The following FRMD3 variants were observed in gnomAD, a reference collection of about 807,000 sequenced individuals.
FRMD3 encodes the protein FERM domain containing 3.
A neutral mutation model predicts 70.2 loss-of-function variants in FRMD3; 33 were observed. The ratio of observed to expected loss-of-function variants is 0.47; its 90% confidence interval spans 0.36 to 0.63. The LOEUF (loss-of-function observed/expected upper bound fraction) is 0.63. Among genes scored for constraint, FRMD3 ranks in the 20% least tolerant of loss-of-function variants. The pLI, the probability that FRMD3 is intolerant of heterozygous loss-of-function variation, is 0.00. For synonymous variants in FRMD3, 279 were observed against 255.9 expected (o/e 1.09, Z -0.86); for missense variants, 632 against 711.4 (o/e 0.89, Z 1.27).
At chr9:83,428,943 A>G (rs1031823619) in intron 1 of FRMD3, among the ~76,000 whole-genome samples, 2 of 151,564 alleles carry the variant, frequency 1.3e-5, no homozygotes, top group Non-Finnish European at 2.9e-5. Context: ...TCTACTCTTC[A>G]TTGAAGCTAA....
intron 12 of FRMD3, among the ~76,000 whole-genome samples, chr9:83,296,062 TA>T (rs1834650004): frequency 6.6e-6 from 1 of 152,216 alleles, no homozygotes; most frequent in South Asian, 2.1e-4. Context: ...ATTCACTAAT[TA>T]AAGTATTATC....
At chr9:83,568,955 G>GATAGATAGATACATAC in the FRMD3 span, among the ~76,000 whole-genome samples, 179 of 130,836 alleles carry the variant, frequency 1.4e-3, 1 homozygote, top group Middle Eastern at 4.2e-3. Flanking sequence ...TAGATAGATA[G>GATAGATAGATACATAC]ATACATACAT....
intron 1 of FRMD3, among the ~76,000 whole-genome samples, chr9:83,530,621 G>C (rs550291206): frequency 6.6e-6 from 1 of 152,114 alleles, no homozygotes; most frequent in Non-Finnish European, 1.5e-5. Flanking sequence ...TTAAGTGGGC[G>C]TACTACAAGG....
chr9:83,523,999 T>C (rs918000122), intron 1 of FRMD3, among the ~76,000 whole-genome samples: 10 of 152,246 alleles, frequency 6.6e-5, no homozygotes, highest in African/African-American at 2.2e-4. Context: ...TTTCCATCCC[T>C]ACTCCACAGA....
chr9:83,355,255 T>G (rs995668873), intron 3 of FRMD3, among the ~76,000 whole-genome samples: 2 of 152,186 alleles, frequency 1.3e-5, no homozygotes, highest in African/African-American at 4.8e-5. Context: ...TGCCAAACAT[T>G]TGGTGCAGAA....
At chr9:83,411,879 T>C (rs1410588375) in intron 1 of FRMD3, among the ~76,000 whole-genome samples, 2 of 152,230 alleles carry the variant, frequency 1.3e-5, no homozygotes, top group African/African-American at 4.8e-5. Context: ...TTATTCATGA[T>C]TCTTCGAAAT....
chr9:83,503,692 T>C (rs61190275), intron 1 of FRMD3, among the ~76,000 whole-genome samples: 18,066 of 152,098 alleles, frequency 0.12, 1,464 homozygotes, highest in African/African-American at 0.23. Context: ...CAGCAATAGA[T>C]AACCAAGGCA....
At chr9:83,450,347 G>GT (rs763340189) in intron 1 of FRMD3, among the ~76,000 whole-genome samples, 1,770 of 111,240 alleles carry the variant, frequency 0.016, 41 homozygotes, top group African/African-American at 0.05. Context: ...GTCACCCTCA[G>GT]TTTTTTTTTT....
intron 1 of FRMD3, among the ~76,000 whole-genome samples, chr9:83,455,012 G>A (rs1827778014): frequency 6.6e-6 from 1 of 152,032 alleles, no homozygotes; most frequent in African/African-American, 2.4e-5. Flanking sequence ...GAAGCCTAAA[G>A]AAAGAAATAC....
intron 1 of FRMD3, among the ~76,000 whole-genome samples, chr9:83,470,577 A>G (rs1450986059): frequency 6.6e-6 from 1 of 152,212 alleles, no homozygotes; most frequent in Non-Finnish European, 1.5e-5. Context: ...AGCCTCAAAA[A>G]TCCCCTTGCC....
intron 1 of FRMD3, among the ~76,000 whole-genome samples, chr9:83,519,364 T>G (rs1829521523): frequency 6.6e-6 from 1 of 152,136 alleles, no homozygotes; most frequent in Non-Finnish European, 1.5e-5. Flanking sequence ...AAGAAGACAT[T>G]TATGCGGCCG....
At position 83,357,278 on chromosome 9, in the gene FRMD3, T is replaced by TGGA. The variant is rs372832674; in HGVS notation, c.296-7522_296-7521insTCC. Among the ~76,000 whole-genome samples, 24 of 66,120 alleles carry TGGA rather than the reference T, an allele frequency of 3.6e-4. 1 individual carries two copies. The highest frequency in any genetic ancestry group is 1.4e-3 in the African/African-American group (22 of 15,660). 43.4% of individuals were successfully genotyped at this position (66,120 alleles called of 152,430 possible). On this transcript the variant is annotated intron_variant, in intron 3 of 13. Transcript: ENST00000304195. Reference sequence around the variant, plus strand: ...ATATATATATATATATATATATATATATATATATATATATATATAAAACAT... The same window carrying TGGA: ...ATATATATATATATATATATATATATGGAATATATATATATATATATAAAACAT...
intron 3 of FRMD3, among the ~76,000 whole-genome samples, chr9:83,358,622 T>C (rs140789017): frequency 0.037 from 5,642 of 152,140 alleles, 346 homozygotes; most frequent in African/African-American, 0.13. Context: ...CAGTGTTTTG[T>C]AGTTTCCCTT....
intron 1 of FRMD3, among the ~76,000 whole-genome samples, chr9:83,481,446 A>G (rs1433808094): frequency 2.0e-5 from 3 of 152,224 alleles, no homozygotes. Context: ...AATGATGATT[A>G]CAAAGATTTT....
chr9:83,568,666 C>T, the FRMD3 span, among the ~76,000 whole-genome samples: 4 of 106,886 alleles, frequency 3.7e-5, no homozygotes, highest in East Asian at 8.2e-4. Context: ...TGGAGAATTA[C>T]TGATCAAAAG....
intron 3 of FRMD3, among the ~76,000 whole-genome samples, chr9:83,363,809 C>T (rs371840375): frequency 6.6e-6 from 1 of 152,146 alleles, no homozygotes; most frequent in African/African-American, 2.4e-5. Flanking sequence ...CCACCTTGGC[C>T]TCCCAAAGTA....
At chr9:83,479,191 T>A (rs1291433188) in intron 1 of FRMD3, among the ~76,000 whole-genome samples, 1 of 151,798 alleles carries the variant, frequency 6.6e-6, no homozygotes, top group Non-Finnish European at 1.5e-5. Context: ...GGCTCACACC[T>A]GTAATCTGAG....
At position 83,245,038 on chromosome 9, in the gene FRMD3, T is replaced by A; in HGVS notation, c.*2880A>T. Reference sequence around the variant, plus strand: ...ACACTCAGTGGCATTTATGGAAAATTTAACCCTTTCAGGCTGTGGGTTTTA... The same window carrying A: ...ACACTCAGTGGCATTTATGGAAAATATAACCCTTTCAGGCTGTGGGTTTTA... On this transcript the variant is annotated 3_prime_UTR_variant, in exon 14 of 14. Transcript: ENST00000304195. The A allele has an allele frequency of 1.0e-6, 1 of 985,370 alleles. No individual in the cohort carries two copies. Among genetic ancestry groups the A allele is most frequent in the Non-Finnish European group, 1.2e-6 (1 of 829,878 alleles). 61.0% of individuals were successfully genotyped at this position (985,370 alleles called of 1,614,324 possible). A position where few individuals can be genotyped will look rare whatever the true frequency, so the allele number is the denominator to read the frequency against.
intron 1 of FRMD3, among the ~76,000 whole-genome samples, chr9:83,526,223 C>A (rs1365184887): frequency 6.6e-6 from 1 of 152,190 alleles, no homozygotes; most frequent in African/African-American, 2.4e-5. Flanking sequence ...GGACCCTGTA[C>A]TTGGCGTAAT....
Sources: gnomAD v4.1 joint callset for allele counts (sites outside exome capture counted in the v4.1 genomes callset) on GRCh38, gnomAD v4.1.1 for gene constraint, MANE v1.5 for transcripts, NCBI Gene and HGNC (gene_info 2026-07-23, HGNC 2026-07-21) for gene names.